Variants in SYNPO2 observed in about 807,000 individuals in gnomAD.
SYNPO2 encodes the protein synaptopodin-2.
A neutral mutation model predicts 85.0 loss-of-function variants in SYNPO2; 56 were observed. That is an observed-to-expected ratio of 0.66 (90% confidence interval 0.53 to 0.82). The LOEUF (loss-of-function observed/expected upper bound fraction) is 0.82, where lower values mean the gene tolerates loss of function less well. Ranked by LOEUF, SYNPO2 falls within the 40% of genes least tolerant of loss-of-function variation. SYNPO2 has a pLI of 0.00. For missense variants in SYNPO2, 1,575 were observed against 1,534.2 expected (o/e 1.03, Z -0.44); for synonymous variants, 602 against 591.1 (o/e 1.02, Z -0.27).
intron 1 of SYNPO2, among the ~76,000 whole-genome samples, chr4:118,877,292 AT>A: frequency 6.6e-6 from 1 of 152,338 alleles, no homozygotes; most frequent in South Asian, 2.1e-4. Context: ...CTTTCTGGAT[AT>A]AGGACCAGGC....
intron 1 of SYNPO2, among the ~76,000 whole-genome samples, chr4:119,012,384 T>C (rs957362736): frequency 7.8e-6 from 1 of 127,596 alleles, no homozygotes; most frequent in Non-Finnish European, 1.7e-5. Flanking sequence ...TCTTTTTTTT[T>C]TTTTTTTTTA....
intron 1 of SYNPO2, among the ~76,000 whole-genome samples, chr4:118,927,624 G>A (rs1287437279): frequency 6.6e-6 from 1 of 152,186 alleles, no homozygotes; most frequent in Middle Eastern, 3.4e-3. Flanking sequence ...TTTGGAGAGT[G>A]TTGAATATTT....
At chr4:119,037,332 C>T in intron 4 of SYNPO2, 1 of 1,256,196 alleles carries the variant, frequency 8.0e-7, no homozygotes, top group East Asian at 3.1e-5. Flanking sequence ...TGTACTTGGC[C>T]CTGAGTTGAA....
At chr4:118,876,665 T>TTCTC (rs370745197) in intron 1 of SYNPO2, among the ~76,000 whole-genome samples, 11 of 135,380 alleles carry the variant, frequency 8.1e-5, no homozygotes, top group Admixed American at 4.3e-4. Flanking sequence ...CTTCCTTCCT[T>TTCTC]TCTCTTTCTT....
chr4:119,035,484 CATACCTTGTTAGG>C, intron 4 of SYNPO2: 1 of 985,380 alleles, frequency 1.0e-6, no homozygotes, highest in South Asian at 4.7e-5. Flanking sequence ...TAGTGTAAAG[CATACCTTGTTAGG>C]AACGTGTTTT....
intron 1 of SYNPO2, among the ~76,000 whole-genome samples, chr4:118,896,162 G>A (rs1480822371): frequency 6.6e-6 from 1 of 152,154 alleles, no homozygotes; most frequent in Admixed American, 6.5e-5. Context: ...TAGTATTGTT[G>A]AAAATTGCAA....
chr4:119,045,198 GAATAC>G (rs1357577533), intron 4 of SYNPO2, among the ~76,000 whole-genome samples: 1 of 152,180 alleles, frequency 6.6e-6, no homozygotes, highest in East Asian at 1.9e-4. Context: ...AATTATAACT[GAATAC>G]AATACAAAAC....
At chr4:119,003,238 C>T (rs1736889648) in intron 1 of SYNPO2, among the ~76,000 whole-genome samples, 2 of 152,116 alleles carry the variant, frequency 1.3e-5, no homozygotes, top group Non-Finnish European at 1.5e-5. Context: ...GGGAAGCAAG[C>T]ACTTACTTCA....
chr4:118,992,610 G>C (rs1485608491), intron 1 of SYNPO2, among the ~76,000 whole-genome samples: 1 of 152,134 alleles, frequency 6.6e-6, no homozygotes, highest in Non-Finnish European at 1.5e-5. Flanking sequence ...ATGCCTCCAA[G>C]GTCCTTGGTT....
chr4:119,054,841 G>T (rs1021896786), intron 4 of SYNPO2, among the ~76,000 whole-genome samples: 6 of 152,172 alleles, frequency 3.9e-5, no homozygotes, highest in African/African-American at 9.7e-5. Context: ...TTTCACCAGG[G>T]ATCCACCTCT....
At chr4:119,053,944 A>G (rs946549061) in intron 4 of SYNPO2, among the ~76,000 whole-genome samples, 6 of 152,096 alleles carry the variant, frequency 3.9e-5, no homozygotes, top group African/African-American at 4.8e-5. Context: ...CCCTTTATCT[A>G]TTGCCATCCC....
intron 4 of SYNPO2, chr4:119,033,656 T>A: frequency 1.0e-6 from 1 of 985,436 alleles, no homozygotes; most frequent in Non-Finnish European, 1.2e-6. Context: ...AATATCTGTA[T>A]TCCTGCTCTT....
At chr4:118,866,787 C>G (rs1056161321) in intron 1 of SYNPO2, among the ~76,000 whole-genome samples, 2 of 152,120 alleles carry the variant, frequency 1.3e-5, no homozygotes, top group Non-Finnish European at 2.9e-5. Flanking sequence ...TGCTTGCTCC[C>G]CCTTCTCCTT....
chr4:118,961,853 G>GT (rs1735109640), intron 1 of SYNPO2, among the ~76,000 whole-genome samples: 1 of 152,128 alleles, frequency 6.6e-6, no homozygotes. Flanking sequence ...AGGAAGGCAG[G>GT]TTTTTTGTTT....
At chr4:118,999,821 C>T (rs1001746645) in intron 1 of SYNPO2, among the ~76,000 whole-genome samples, 3 of 152,136 alleles carry the variant, frequency 2.0e-5, no homozygotes, top group African/African-American at 7.2e-5. Flanking sequence ...GAACAGTTTC[C>T]TTCTAATCTA....
At chr4:118,888,827 G>C, upstream of SYNPO2, 1 of 590,188 alleles carries the variant, frequency 1.7e-6, no homozygotes. Flanking sequence ...GAGCGCCTCT[G>C]CCTCCTTGAG....
chr4:119,055,709 A>T (rs1287801054), intron 4 of SYNPO2, among the ~76,000 whole-genome samples: 1 of 152,228 alleles, frequency 6.6e-6, no homozygotes, highest in South Asian at 2.1e-4. Flanking sequence ...TCACCCAAAT[A>T]TAGAGTAAGG....
chr4:118,881,331 G>A (rs894732084), intron 1 of SYNPO2, among the ~76,000 whole-genome samples: 1 of 151,378 alleles, frequency 6.6e-6, no homozygotes, highest in Non-Finnish European at 1.5e-5. Context: ...AAGAAGAAGA[G>A]GTTAAGATAT....
At chr4:118,895,082 T>C (rs1168415548) in intron 1 of SYNPO2, among the ~76,000 whole-genome samples, 2 of 152,212 alleles carry the variant, frequency 1.3e-5, no homozygotes, top group Non-Finnish European at 2.9e-5. Flanking sequence ...ATATATTTCT[T>C]CCAGTAACTG....
Sources: allele counts gnomAD v4.1 joint callset (sites outside exome capture counted in the v4.1 genomes callset), GRCh38; gene constraint gnomAD v4.1.1; transcripts MANE v1.5; gene names NCBI Gene and HGNC (gene_info 2026-07-23, HGNC 2026-07-21).